The following RBM28 variants were observed in gnomAD, a reference collection of about 807,000 sequenced individuals.
RBM28 encodes RNA-binding protein 28.
In RBM28, 78 loss-of-function variants were observed where a neutral mutation model predicts 98.3. The ratio of observed to expected loss-of-function variants is 0.79; its 90% CI spans 0.66 to 0.96. The LOEUF (loss-of-function observed/expected upper bound fraction) is 0.96. RBM28 is among the 40% of genes least tolerant of loss of function. The pLI, the probability that RBM28 is intolerant of heterozygous loss-of-function variation, is 0.00. For synonymous variants in RBM28, 306 were observed against 330.9 expected (o/e 0.92, Z 0.82); for missense variants, 838 against 913.0 (o/e 0.92, Z 1.06).
intron 10 of RBM28, among the ~76,000 whole-genome samples, chr7:128,330,580 C>T (rs936458460): frequency 5.3e-5 from 8 of 152,002 alleles, no homozygotes; most frequent in Non-Finnish European, 7.4e-5. Flanking sequence ...CCGTGTTGCC[C>T]AGGCTGGTCT....
chr7:128,339,506 T>C (rs528566435), intron 2 of RBM28, 127 bp downstream of exon 2: 914 of 1,305,084 alleles, frequency 7.0e-4, no homozygotes, highest in Non-Finnish European at 7.7e-4. Flanking sequence ...CTGGATGATT[T>C]TGGAGATCAA....
At chr7:128,313,853 A>T (rs900555787) in intron 17 of RBM28, among the ~76,000 whole-genome samples, 38 of 151,856 alleles carry the variant, frequency 2.5e-4, no homozygotes, top group Admixed American at 2.2e-3. Flanking sequence ...GCCAGCTCCC[A>T]CTTCACCTTC....
intron 14 of RBM28, among the ~76,000 whole-genome samples, chr7:128,320,388 A>G (rs1796204140): frequency 6.7e-6 from 1 of 149,912 alleles, no homozygotes; most frequent in Non-Finnish European, 1.5e-5. Flanking sequence ...CCAGCCAAAG[A>G]CAGAGCAAGA....
chr7:128,320,086 G>A (rs1796190140), intron 14 of RBM28, among the ~76,000 whole-genome samples: 1 of 151,960 alleles, frequency 6.6e-6, no homozygotes, highest in African/African-American at 2.4e-5. Flanking sequence ...GCGTGGTGGT[G>A]CATGCCTGTA....
chr7:128,314,183 C>T (rs2116323752), intron 17 of RBM28, among the ~76,000 whole-genome samples: 1 of 152,160 alleles, frequency 6.6e-6, no homozygotes, highest in African/African-American at 2.4e-5. Flanking sequence ...AGGATGGTCT[C>T]GATCTCCTGA....
chr7:128,299,104 G>T lies in RBM28; in HGVS notation c.*11693C>A, dbSNP rs572405486. The T allele has an allele frequency of 6.6e-6, 1 of 152,044 alleles. No homozygotes were observed. Among genetic ancestry groups the T allele is most frequent in the South Asian group, 2.1e-4 (1 of 4,822 alleles). 9.4% of individuals were successfully genotyped at this position (152,044 alleles called of 1,614,324 possible). A position where few individuals can be genotyped will look rare whatever the true frequency, so the allele number is the denominator to read the frequency against. On this transcript the variant is annotated 3_prime_UTR_variant, in exon 19 of 19. Coordinates refer to ENST00000223073, the MANE Select transcript of RBM28 (RefSeq NM_018077.3). The stretch of plus-strand genomic sequence containing the variant: ...AAAACTATCTCTGCAAGAAGAGTTT[G>T]TTATGCAGTTCCCAGGAGGAGAGGT...
intron 10 of RBM28, among the ~76,000 whole-genome samples, chr7:128,330,431 G>C (rs1796454725): frequency 7.1e-6 from 1 of 141,178 alleles, no homozygotes; most frequent in South Asian, 2.3e-4. Context: ...GCTCAGGCTG[G>C]AGTGCAGTGG....
chr7:128,340,434 G>A (rs1196181194), intron 1 of RBM28, among the ~76,000 whole-genome samples: 2 of 152,088 alleles, frequency 1.3e-5, no homozygotes, highest in East Asian at 1.9e-4. Flanking sequence ...GCACTGTCTG[G>A]GCATTTTGCA....
At position 128,321,395 on chromosome 7, in the gene RBM28, C is replaced by T. The variant is rs1336233099; in HGVS notation, c.1434G>A (p.Lys478=). 3 of 1,614,188 alleles carry T rather than the reference C, an allele frequency of 1.9e-6. 1 individual carries two copies. Among genetic ancestry groups the T allele is most frequent in the South Asian group, 2.2e-5 (2 of 91,068 alleles). The change falls in exon 14 of 19, where the codon AAG becomes AAA. Residue 478 remains lysine, a synonymous_variant. Coordinates refer to ENST00000223073, the MANE Select transcript of RBM28 (RefSeq NM_018077.3). ...TTCGGGAGACAAAGATATTCTGGTC[C>T]TTGAGTTTCTGATGCTTCAGCAGCT... The part of the protein sequence containing the change: ...RFELLKHQKL[K]DQNIFVSRTR...
intron 18 of RBM28, among the ~76,000 whole-genome samples, chr7:128,311,976 T>C (rs1335980737): frequency 6.6e-6 from 1 of 152,180 alleles, no homozygotes; most frequent in Non-Finnish European, 1.5e-5. Context: ...AAAGGCTAAT[T>C]GGGAACTTCA....
rs1562943854 is a variant in RBM28, at chr7:128,304,914, A to C, written c.*5883T>G. On this transcript the variant is annotated 3_prime_UTR_variant, in exon 19 of 19. Transcript: ENST00000223073. ...GGTGGTTCATGCCTGTAATCCCAGC[A>C]CTTTGGGAGGCCGAGGTGGGTGGAT... 6.6e-6 allele frequency: 1 copy of C among 152,208 alleles called. No homozygotes were observed. The highest frequency in any genetic ancestry group is 1.5e-5 in the Non-Finnish European group (1 of 68,076). The allele number at this position is 152,208 out of a possible 1,614,324, so 9.4% of individuals were successfully genotyped here.
rs977374255 is a variant in RBM28, at chr7:128,300,882, C to A, written c.*9915G>T. On this transcript the variant is annotated 3_prime_UTR_variant, in exon 19 of 19. Transcript: ENST00000223073. ...TCTTCACAGCGCTCCACCCCTAGGG[C>A]CTGCTTAAATGGCACAGCCAGCTCC... The A allele has an allele frequency of 1.3e-5, 2 of 152,370 alleles. No homozygotes were observed. Among genetic ancestry groups the A allele is most frequent in the African/African-American group, 4.8e-5 (2 of 41,442 alleles). The allele number at this position is 152,370 out of a possible 1,614,324, so 9.4% of individuals were successfully genotyped here. A position where few individuals can be genotyped will look rare whatever the true frequency, so the allele number is the denominator to read the frequency against.
chr7:128,335,845 A>G lies in RBM28; in HGVS notation c.809+2T>C. ...TGTCTCAGAACAGGATGAGCTGCTT[A>G]CCTCTTCTGAATTTGCACAGGCTTG... On this transcript the variant is annotated splice_donor_variant, in intron 7 of 18. Transcript: ENST00000223073. LOFTEE classifies it high-confidence loss of function. The G allele has an allele frequency of 6.2e-7, 1 of 1,614,104 alleles. No individual in the cohort carries two copies. The highest frequency in any genetic ancestry group is 8.5e-7 in the Non-Finnish European group (1 of 1,180,028).
rs754277076 is a variant in RBM28, at chr7:128,315,021, C to T, written c.1789-1G>A. The T allele has an allele frequency of 2.1e-5, 34 of 1,614,080 alleles. No homozygotes were observed. The highest frequency in any genetic ancestry group is 2.8e-5 in the Non-Finnish European group (33 of 1,180,048). The stretch of plus-strand genomic sequence containing the variant: ...TTGCAGGCTTGGATCTCATTTTTTG[C>T]TGCATAAAACAAGAAAATGCCATCT... On this transcript the variant is annotated splice_acceptor_variant, in intron 16 of 18. Transcript: ENST00000223073. LOFTEE classifies it high-confidence loss of function.
Position 128,338,126 on chromosome 7 carries a change from C to T in RBM28, c.541+124G>A, listed in dbSNP as rs77637450. 4.9e-3 allele frequency: 3,637 copies of T among 740,192 alleles called. 93 individuals carry two copies. The African/African-American group carries it at 0.056, about 11-fold the overall frequency. The allele number at this position is 740,192 out of a possible 1,614,324, so 45.9% of individuals were successfully genotyped here. On this transcript the variant is annotated intron_variant, in intron 5 of 18. Coordinates refer to ENST00000223073, the MANE Select transcript of RBM28 (RefSeq NM_018077.3). The stretch of plus-strand genomic sequence containing the variant: ...TAGAGTATTTCACCTAAATAGCTAC[C>T]GTATTAGCAATGAGACTCTTAATAA...
At chr7:128,315,448 T>TA (rs1400174270) in intron 16 of RBM28, among the ~76,000 whole-genome samples, 1 of 152,088 alleles carries the variant, frequency 6.6e-6, no homozygotes, top group Non-Finnish European at 1.5e-5. Context: ...CCAAATAAGA[T>TA]AAATACTAAA....
At chr7:128,319,752 G>A (rs1387526669) in intron 14 of RBM28, among the ~76,000 whole-genome samples, 1 of 152,178 alleles carries the variant, frequency 6.6e-6, no homozygotes, top group Non-Finnish European at 1.5e-5. Flanking sequence ...GACAGTTTGA[G>A]GCCAGGGTAA....
chr7:128,313,308 C>T (rs1379634944), intron 17 of RBM28, 34 bp from the exon 18 acceptor site: 1 of 1,588,668 alleles, frequency 6.3e-7, no homozygotes, highest in African/African-American at 1.3e-5. Flanking sequence ...ACCTTGAGTC[C>T]TTCTTCTAAT....
Position 128,302,769 on chromosome 7 carries a change from TTTTTTA to T in RBM28, c.*8022_*8027del, listed in dbSNP as rs1456440270. On this transcript the variant is annotated 3_prime_UTR_variant, in exon 19 of 19. Coordinates refer to ENST00000223073, the MANE Select transcript of RBM28 (RefSeq NM_018077.3). The stretch of plus-strand genomic sequence containing the variant: ...GCTGGTCAAGTAAAGGGTTTAATCC[TTTTTTA>T]TTTTTATTATTTTTTTAGACAGGGT... 1 of 152,154 alleles carries T rather than the reference TTTTTTA, an allele frequency of 6.6e-6. No individual in the cohort carries two copies. Among genetic ancestry groups the T allele is most frequent in the Non-Finnish European group, 1.5e-5 (1 of 68,040 alleles). The allele number at this position is 152,154 out of a possible 1,614,324, so 9.4% of individuals were successfully genotyped here. A position where few individuals can be genotyped will look rare whatever the true frequency, so the allele number is the denominator to read the frequency against.
Sources: gnomAD v4.1 joint callset for allele counts (sites outside exome capture counted in the v4.1 genomes callset) on GRCh38, gnomAD v4.1.1 for gene constraint, MANE v1.5 for transcripts, NCBI Gene and HGNC (gene_info 2026-07-23, HGNC 2026-07-21) for gene names.